The following MAD1L1 variants were observed in gnomAD, a reference collection of about 807,000 sequenced individuals.
MAD1L1 encodes mitotic arrest deficient 1 like 1.
In MAD1L1, 95 loss-of-function variants were observed where a neutral mutation model predicts 96.9. The ratio of observed to expected loss-of-function variants is 0.98; its 90% CI spans 0.83 to 1.16. MAD1L1 has a LOEUF of 1.16. Ranked by LOEUF, MAD1L1 falls within the 50% of genes most tolerant of loss-of-function variation. The pLI, the probability that MAD1L1 is intolerant of heterozygous loss-of-function variation, is 0.00. For missense variants in MAD1L1, 1,007 were observed against 954.4 expected, an observed-to-expected ratio of 1.06 and a Z score of -0.73; for synonymous variants, 473 against 396.6, an observed-to-expected ratio of 1.19 and a Z score of -2.29.
intron 18 of MAD1L1, among the ~76,000 whole-genome samples, chr7:1,869,520 G>A (rs1185540106): frequency 1.3e-5 from 2 of 152,084 alleles, no homozygotes; most frequent in African/African-American, 4.8e-5. Context: ...TCTTCCCAGC[G>A]CCTTTGCTGC....
chr7:1,958,241 C>T (rs1401658545), intron 15 of MAD1L1, among the ~76,000 whole-genome samples: 1 of 152,164 alleles, frequency 6.6e-6, no homozygotes, highest in Non-Finnish European at 1.5e-5. Context: ...TTCCAGGCGA[C>T]CCATGGTGAG....
At chr7:2,203,173 C>T (rs914042105) in intron 10 of MAD1L1, among the ~76,000 whole-genome samples, 2 of 152,258 alleles carry the variant, frequency 1.3e-5, no homozygotes, top group Admixed American at 6.5e-5. Context: ...CCAAAAACAG[C>T]GGCATCTTGG....
chr7:1,858,050 A>G (rs1317533254), intron 18 of MAD1L1, among the ~76,000 whole-genome samples: 1 of 152,200 alleles, frequency 6.6e-6, no homozygotes, highest in African/African-American at 2.4e-5. Context: ...TAAACAACAG[A>G]GTTCTGGAAA....
At chr7:2,019,397 C>T (rs1322413005) in intron 12 of MAD1L1, among the ~76,000 whole-genome samples, 1 of 152,226 alleles carries the variant, frequency 6.6e-6, no homozygotes, top group Non-Finnish European at 1.5e-5. Context: ...ATAAGCGCCT[C>T]GGAGGACCCA....
intron 10 of MAD1L1, among the ~76,000 whole-genome samples, chr7:2,156,678 G>A (rs1256883287): frequency 6.6e-6 from 1 of 152,006 alleles, no homozygotes; most frequent in Admixed American, 6.6e-5. Context: ...AAAATTAGCC[G>A]GGTGCAGTGG....
In MAD1L1 at chr7:1,961,127, G is replaced by C. The variant is rs572893351; in HGVS notation, c.1506-3408C>G. Among the ~76,000 whole-genome samples, 351 of 152,304 alleles carry C rather than the reference G, an allele frequency of 2.3e-3. 1 individual carries two copies. The highest frequency in any genetic ancestry group is 3.6e-3 in the Non-Finnish European group (245 of 68,020). ...GGCAACCTCCACACAGGGAGAGAGA[G>C]AGGCCTTGTCCACAGGCTGGGAGAC... On this transcript the variant is annotated intron_variant, in intron 15 of 18. Coordinates refer to ENST00000265854, the MANE Select transcript of MAD1L1 (RefSeq NM_001013836.2).
intron 18 of MAD1L1, among the ~76,000 whole-genome samples, chr7:1,832,579 A>T (rs982077979): frequency 1.6e-5 from 2 of 128,294 alleles, no homozygotes; most frequent in African/African-American, 6.0e-5. Context: ...TCTTTCATGA[A>T]AGGAAGAGTC....
intron 12 of MAD1L1, among the ~76,000 whole-genome samples, chr7:2,024,879 G>C (rs1297501233): frequency 1.3e-5 from 2 of 152,216 alleles, no homozygotes; most frequent in African/African-American, 4.8e-5. Context: ...AACTACTTCA[G>C]TGAGAAATGA....
chr7:2,154,084 A>T (rs970265702), intron 10 of MAD1L1, among the ~76,000 whole-genome samples: 1 of 152,232 alleles, frequency 6.6e-6, no homozygotes, highest in Non-Finnish European at 1.5e-5. Flanking sequence ...TGAACCAGGG[A>T]GTCAGAGGTT....
intron 3 of MAD1L1, among the ~76,000 whole-genome samples, chr7:2,228,323 G>T (rs957634743): frequency 6.6e-6 from 1 of 152,098 alleles, no homozygotes; most frequent in Non-Finnish European, 1.5e-5. Flanking sequence ...GTGCAGTGGC[G>T]CGATGGCTCA....
intron 18 of MAD1L1, among the ~76,000 whole-genome samples, chr7:1,880,457 C>T (rs1020698175): frequency 9.9e-5 from 15 of 152,202 alleles, no homozygotes; most frequent in Non-Finnish European, 1.9e-4. Flanking sequence ...AGGGAGGCCA[C>T]TCGACACAGT....
chr7:2,130,654 G>T (rs1054157656), intron 11 of MAD1L1, among the ~76,000 whole-genome samples: 3 of 152,196 alleles, frequency 2.0e-5, no homozygotes, highest in African/African-American at 7.2e-5. Context: ...TTAAGCCCCG[G>T]AGGCCGAAGC....
At chr7:1,942,080 CTTCCT>C (rs1399579498) in intron 16 of MAD1L1, among the ~76,000 whole-genome samples, 11 of 152,170 alleles carry the variant, frequency 7.2e-5, no homozygotes, top group Non-Finnish European at 1.0e-4. Flanking sequence ...TCCTGCCATC[CTTCCT>C]TTCTTCCCTT....
intron 18 of MAD1L1, among the ~76,000 whole-genome samples, chr7:1,895,507 TTTAC>T (rs1786810383): frequency 1.3e-5 from 2 of 152,224 alleles, no homozygotes; most frequent in South Asian, 4.1e-4. Context: ...CCTTCCATAC[TTTAC>T]TTAATCTCCC....
intron 18 of MAD1L1, among the ~76,000 whole-genome samples, chr7:1,836,812 A>C (rs182136839): frequency 1.1e-4 from 16 of 152,248 alleles, no homozygotes; most frequent in African/African-American, 1.2e-4. Flanking sequence ...ATAAAAAAAA[A>C]CTCAAAATGG....
intron 11 of MAD1L1, among the ~76,000 whole-genome samples, chr7:2,095,672 C>T (rs530503490): frequency 2.0e-5 from 3 of 152,324 alleles, no homozygotes; most frequent in Non-Finnish European, 2.9e-5. Flanking sequence ...CTCCCTGAGC[C>T]GCTGTCATCA....
At chr7:2,110,563 G>C (rs1787328169) in intron 11 of MAD1L1, among the ~76,000 whole-genome samples, 1 of 152,178 alleles carries the variant, frequency 6.6e-6, no homozygotes, top group South Asian at 2.1e-4. Context: ...GAAAACTCTG[G>C]AGTGACTCAG....
chr7:1,875,166 G>A (rs897686463), intron 18 of MAD1L1, among the ~76,000 whole-genome samples: 10 of 152,150 alleles, frequency 6.6e-5, no homozygotes, highest in African/African-American at 2.4e-4. Context: ...CCCCCACAGG[G>A]GCCATGGCTT....
intron 14 of MAD1L1, among the ~76,000 whole-genome samples, chr7:1,993,367 T>C (rs1584019618): frequency 6.6e-6 from 1 of 152,226 alleles, no homozygotes; most frequent in South Asian, 2.1e-4. Context: ...ACCAAGGCAA[T>C]GCAAGAGGAC....
Sources: gnomAD v4.1 joint callset for allele counts (sites outside exome capture counted in the v4.1 genomes callset) on GRCh38, gnomAD v4.1.1 for gene constraint, MANE v1.5 for transcripts, NCBI Gene and HGNC (gene_info 2026-07-23, HGNC 2026-07-21) for gene names.